CCDC57: variants seen among roughly 807,000 people sequenced by gnomAD.
CCDC57 encodes coiled-coil domain containing 57, also known as coiled-coil domain-containing protein 57.
Under a neutral mutation model 118.9 loss-of-function variants are expected in CCDC57, and 118 were observed. That is an observed-to-expected ratio of 0.99 (90% CI 0.86 to 1.16). The LOEUF is 1.16. Among genes scored for constraint, CCDC57 ranks in the 50% most tolerant of loss-of-function variants. The probability of loss-of-function intolerance (pLI) is 0.00; values close to 1 mark genes in which losing one functional copy is unlikely to be tolerated. For missense variants in CCDC57, 1,300 were observed against 1,320.7 expected (o/e 0.98, Z 0.24); for synonymous variants, 527 against 532.9 (o/e 0.99, Z 0.15).
At chr17:82,191,179 G>C (rs1031683559) in intron 7 of CCDC57, among the ~76,000 whole-genome samples, 1 of 152,126 alleles carries the variant, frequency 6.6e-6, no homozygotes, top group Non-Finnish European at 1.5e-5. Context: ...ATGGATCTTG[G>C]AGAAACCCCA....
intron 19 of CCDC57, among the ~76,000 whole-genome samples, chr17:82,119,548 G>C (rs1197091027): frequency 3.3e-5 from 5 of 152,164 alleles, no homozygotes; most frequent in African/African-American, 1.2e-4. Flanking sequence ...GGCATGGCCT[G>C]GGGCTGGTGC....
chr17:82,194,115 C>T, exon 6 of CCDC57: 6 of 1,613,780 alleles, frequency 3.7e-6, no homozygotes, highest in Non-Finnish European at 5.1e-6. Context: ...TTCAGAGCCT[C>T]CAGCTCTTTG....
intron 13 of CCDC57, among the ~76,000 whole-genome samples, chr17:82,170,504 T>G (rs1452464326): frequency 2.5e-5 from 2 of 79,628 alleles, no homozygotes; most frequent in African/African-American, 9.9e-5. Flanking sequence ...CAAGACTCTG[T>G]CCCAAAAAAA....
At chr17:82,198,593 T>G (rs920347760) in intron 3 of CCDC57, among the ~76,000 whole-genome samples, 171 bp from the exon 3 acceptor site, 19 of 151,644 alleles carry the variant, frequency 1.3e-4, no homozygotes, top group African/African-American at 4.6e-4. Flanking sequence ...ACCAGCATGC[T>G]ACACCCATCT....
chr17:82,211,926 C>A (rs1262401664), intron 1 of CCDC57, among the ~76,000 whole-genome samples: 1 of 152,180 alleles, frequency 6.6e-6, no homozygotes, highest in East Asian at 1.9e-4. Context: ...GTACCTGGAA[C>A]TGTTTATTTT....
rs949630428 is a variant in CCDC57, at chr17:82,128,642, C to G, written c.2578-45G>C. The G allele has an allele frequency of 3.5e-6, 5 of 1,430,798 alleles. No homozygotes were observed. The South Asian group carries it at 3.7e-5, about 11-fold the overall frequency. The allele number at this position is 1,430,798 out of a possible 1,614,324, so 88.6% of individuals were successfully genotyped here. ...GAGAGGACTCTGGTATTCACATGTA[C>G]TGATGGTGCATGTCAGTGAGTTTTC... On this transcript the variant is annotated intron_variant, in intron 17 of 19. Coordinates refer to ENST00000665763, the Ensembl canonical transcript of CCDC57.
chr17:82,187,674 T>C (rs1181698461), intron 8 of CCDC57, among the ~76,000 whole-genome samples: 1 of 58,526 alleles, frequency 1.7e-5, no homozygotes, highest in Non-Finnish European at 3.2e-5. Context: ...CGGGGGAAGC[T>C]GGCAGGGGTT....
chr17:82,101,908 A>T, intron 19 of CCDC57, 42 bp from the exon 19 acceptor site: 1 of 1,507,584 alleles, frequency 6.6e-7, no homozygotes, highest in Non-Finnish European at 8.9e-7. Flanking sequence ...TCAGGATGGC[A>T]GGGGGAGCAG....
chr17:82,127,767 G>C, exon 19 of CCDC57: 1 of 1,613,076 alleles, frequency 6.2e-7, no homozygotes, highest in African/African-American at 1.3e-5. Flanking sequence ...ATGTCCTGGA[G>C]GGTGCCACTG....
intron 4 of CCDC57, among the ~76,000 whole-genome samples, 185 bp from the exon 4 acceptor site, chr17:82,195,549 C>G (rs544050635): frequency 6.6e-6 from 1 of 151,434 alleles, no homozygotes; most frequent in Non-Finnish European, 1.5e-5. Context: ...GAGGCCGAGG[C>G]GGGAGGATCG....
At chr17:82,207,297 C>T (rs1169992514) in intron 2 of CCDC57, among the ~76,000 whole-genome samples, 1 of 151,498 alleles carries the variant, frequency 6.6e-6, no homozygotes, top group Non-Finnish European at 1.5e-5. Context: ...TGCACCACTG[C>T]ACTCCAGCCT....
intron 14 of CCDC57, among the ~76,000 whole-genome samples, chr17:82,161,658 T>C (rs1158639184): frequency 6.6e-6 from 1 of 152,110 alleles, no homozygotes; most frequent in Non-Finnish European, 1.5e-5. Context: ...ACAACTACCA[T>C]AGGACTGTGT....
chr17:82,144,456 T>A (rs958085790), intron 16 of CCDC57, among the ~76,000 whole-genome samples: 4 of 152,256 alleles, frequency 2.6e-5, no homozygotes, highest in Admixed American at 2.6e-4. Context: ...AGGGCAGAGA[T>A]CCCTGAATAA....
intron 19 of CCDC57, among the ~76,000 whole-genome samples, chr17:82,110,753 G>A (rs374422545): frequency 2.0e-5 from 3 of 152,140 alleles, no homozygotes; most frequent in Non-Finnish European, 4.4e-5. Flanking sequence ...TGCCGGGCAC[G>A]GTGGCTCGCG....
At position 82,172,987 on chromosome 17, in the gene CCDC57, C is replaced by T. The variant is rs1364245622; in HGVS notation, c.1507-127G>A. 7 of 754,082 alleles carry T rather than the reference C, an allele frequency of 9.3e-6. No individual in the cohort carries two copies. The highest frequency in any genetic ancestry group is 2.1e-5 in the Admixed American group (1 of 46,906). The allele number at this position is 754,082 out of a possible 1,614,324, so 46.7% of individuals were successfully genotyped here. On this transcript the variant is annotated intron_variant, in intron 11 of 19. Coordinates refer to ENST00000665763, the Ensembl canonical transcript of CCDC57. The surrounding 1 kb of genome is among the most constrained non-coding windows in gnomAD (Gnocchi z 5.2). ...CCCCCGCTTCAGCTTGGGCTGTGGT[C>T]CCTCCCCATCCCCAGGCTGTGATGC...
At chr17:82,185,532 T>A (rs2046821318) in intron 8 of CCDC57, among the ~76,000 whole-genome samples, 1 of 151,452 alleles carries the variant, frequency 6.6e-6, no homozygotes, top group Non-Finnish European at 1.5e-5. Flanking sequence ...GGGGGGTGGA[T>A]CACCTGAGCC....
chr17:82,148,105 G>A (rs887563942), intron 16 of CCDC57, among the ~76,000 whole-genome samples: 4 of 143,180 alleles, frequency 2.8e-5, no homozygotes, highest in South Asian at 2.4e-4. Context: ...TGGGTGGGTG[G>A]GATAAGTGGT....
At chr17:82,123,091 C>T (rs148191830) in intron 19 of CCDC57, among the ~76,000 whole-genome samples, 1 of 151,386 alleles carries the variant, frequency 6.6e-6, no homozygotes, top group East Asian at 1.9e-4. Flanking sequence ...CGTTCCACTG[C>T]ACAGTTTAAC....
intron 19 of CCDC57, among the ~76,000 whole-genome samples, chr17:82,123,122 CTTTTTTT>C (rs34869339): frequency 2.8e-5 from 3 of 105,768 alleles, no homozygotes; most frequent in Admixed American, 1.1e-4. Context: ...CTCCTAATAA[CTTTTTTT>C]TTTTTTTTTT....
Sources: allele counts gnomAD v4.1 joint callset (sites outside exome capture counted in the v4.1 genomes callset), GRCh38; gene constraint gnomAD v4.1.1; non-coding constraint Gnocchi (gnomAD v3.1); transcripts MANE v1.5; gene names NCBI Gene and HGNC (gene_info 2026-07-23, HGNC 2026-07-21).